AADAT: variants seen among roughly 807,000 people sequenced by gnomAD.
The protein encoded by AADAT is aminoadipate aminotransferase.
Under a neutral mutation model 56.2 loss-of-function variants are expected in AADAT, and 25 were observed. That is an observed-to-expected ratio of 0.44 (90% CI 0.32 to 0.62). The LOEUF is 0.62. Among genes scored for constraint, AADAT ranks in the 20% least tolerant of loss-of-function variants. The pLI is 0.04. For missense variants in AADAT, 387 were observed against 510.5 expected (o/e 0.76, Z 2.33); for synonymous variants, 173 against 164.7 (o/e 1.05, Z -0.39).
chr4:170,063,958 G>GA (rs140253958), intron 11 of AADAT, among the ~76,000 whole-genome samples: 48 of 124,628 alleles, frequency 3.9e-4, no homozygotes, highest in Middle Eastern at 3.9e-3. Flanking sequence ...ATAAAAAGAG[G>GA]AAAAAAAAAA....
At chr4:170,081,630 C>T (rs953487561) in intron 3 of AADAT, among the ~76,000 whole-genome samples, 3 of 152,144 alleles carry the variant, frequency 2.0e-5, no homozygotes, top group Non-Finnish European at 4.4e-5. Context: ...TGGAACTGTA[C>T]AGGTCAGGAA....
Position 170,067,365 on chromosome 4 carries a change from G to A in AADAT, c.924C>T (p.His308=), listed in dbSNP as rs779009351. The change falls in exon 9 of 13, where the codon CAC becomes CAT. Residue 308 remains histidine (H), a synonymous_variant. Coordinates refer to ENST00000337664, the MANE Select transcript of AADAT (RefSeq NM_016228.4). ...FNQLMISQLL[H]EWGEEGFMAH... ...CCATGAAACCTTCTTCTCCCCATTC[G>A]TGTAGAAGCTGTGATATCATGAGCT... 6.2e-6 allele frequency: 10 copies of A among 1,613,052 alleles called. No homozygotes were observed. The highest frequency in any genetic ancestry group is 5.3e-5 in the African/African-American group (4 of 74,850).
Position 170,087,103 on chromosome 4 carries a change from C to T in AADAT, c.369+13G>A, listed in dbSNP as rs1230530048. On this transcript the variant is annotated intron_variant, in intron 3 of 12. Coordinates refer to ENST00000337664, the MANE Select transcript of AADAT (RefSeq NM_016228.4). ...AATTCTACATTTTGGCTGAGTTTTC[C>T]TTTCAGTCTTACCTTACAAAGACCT... 5 of 1,612,892 alleles carry T rather than the reference C, an allele frequency of 3.1e-6. No individual in the cohort carries two copies. The highest frequency in any genetic ancestry group is 4.2e-6 in the Non-Finnish European group (5 of 1,179,802).
chr4:170,084,722 T>A (rs527428149), intron 3 of AADAT, among the ~76,000 whole-genome samples: 24 of 152,346 alleles, frequency 1.6e-4, no homozygotes, highest in Middle Eastern at 3.4e-3. Context: ...ATGTTGAATT[T>A]ACCTTTTCCT....
intron 4 of AADAT, 56 bp from the exon 5 acceptor site, chr4:170,073,401 T>C (rs1409585559): frequency 4.2e-5 from 61 of 1,436,774 alleles, no homozygotes; most frequent in Non-Finnish European, 5.6e-5. Flanking sequence ...TAAGTGCTAT[T>C]GGTTTTTTTT....
intron 2 of AADAT, among the ~76,000 whole-genome samples, chr4:170,087,888 G>A (rs1732638979): frequency 6.6e-6 from 1 of 151,624 alleles, no homozygotes; most frequent in Non-Finnish European, 1.5e-5. Context: ...TGCTTGTTTA[G>A]ACTATAGAAA....
intron 3 of AADAT, among the ~76,000 whole-genome samples, chr4:170,079,281 ATG>A (rs1732181449): frequency 6.6e-6 from 1 of 152,162 alleles, no homozygotes; most frequent in Admixed American, 6.5e-5. Context: ...CAAAATAATT[ATG>A]TGTCTTGAGG....
chr4:170,090,825 A>ACCTCTC (rs1339617754), upstream of AADAT, among the ~76,000 whole-genome samples: 1 of 152,210 alleles, frequency 6.6e-6, no homozygotes, highest in East Asian at 1.9e-4. Flanking sequence ...ACTTTAAAAA[A>ACCTCTC]TTCTTTAATG....
At chr4:170,069,500 C>T (rs1731656763) in intron 6 of AADAT, among the ~76,000 whole-genome samples, 1 of 152,122 alleles carries the variant, frequency 6.6e-6, no homozygotes, top group Non-Finnish European at 1.5e-5. Context: ...CTTAAGGAAA[C>T]TTCAAACAGG....
Position 170,088,484 on chromosome 4 carries a change from T to A in AADAT, c.148A>T (p.Thr50Ser). Reference sequence around the variant, plus strand: ...CCATTTTCTACAGTGATTACGGCAGTCTTAAAAGGAAACATGTTTGGATTT... The same window carrying A: ...CCATTTTCTACAGTGATTACGGCAGACTTAAAAGGAAACATGTTTGGATTT... Reference protein sequence around the residue: ...LPNPNMFPFKTAVITVENGKT... With the variant: ...LPNPNMFPFKSAVITVENGKT... The change falls in exon 2 of 13, where the codon ACT becomes TCT. Residue 50 changes from threonine (T) to serine (S), a missense_variant. Coordinates refer to ENST00000337664, the MANE Select transcript of AADAT (RefSeq NM_016228.4). The A allele has an allele frequency of 6.2e-7, 1 of 1,613,876 alleles. No homozygotes were observed.
chr4:170,093,543 T>C (rs1732930328), upstream of AADAT, among the ~76,000 whole-genome samples: 1 of 152,194 alleles, frequency 6.6e-6, no homozygotes. Flanking sequence ...TGTAAGCACG[T>C]TGATGCACCC....
At position 170,068,138 on chromosome 4, in the gene AADAT, CAA is replaced by C. The variant is rs1217763818; in HGVS notation, c.900+451_900+452del. Among the ~76,000 whole-genome samples the C allele has an allele frequency of 6.2e-3, 453 of 72,920 alleles. 2 individuals are homozygous for C. The highest frequency in any genetic ancestry group is 0.02 in the African/African-American group (411 of 20,990). The allele number at this position is 72,920 out of a possible 152,430, so 47.8% of individuals were successfully genotyped here. ...TGGGTGACAGGGCAAGACTCTGTCTCAAAAAAAAAAAAAAAAAAAAATTAAAA... is the reference window on the plus strand; with the variant it reads ...TGGGTGACAGGGCAAGACTCTGTCTCAAAAAAAAAAAAAAAAAAATTAAAA... On this transcript the variant is annotated intron_variant, in intron 8 of 12. Transcript: ENST00000337664.
chr4:170,072,299 G>A (rs201515880), intron 5 of AADAT, among the ~76,000 whole-genome samples: 5 of 148,598 alleles, frequency 3.4e-5, no homozygotes, highest in Admixed American at 6.8e-5. Context: ...ATGTGTGTGT[G>A]TATATATATA....
chr4:170,091,509 C>T (rs921256269), upstream of AADAT: 3 of 153,990 alleles, frequency 1.9e-5, no homozygotes, highest in Non-Finnish European at 4.3e-5. Context: ...CTGAGCCTCC[C>T]CACCACCCAC....
At chr4:170,069,034 G>T in intron 7 of AADAT, 114 bp downstream of exon 7, 1 of 833,716 alleles carries the variant, frequency 1.2e-6, no homozygotes, top group Non-Finnish European at 1.8e-6. Context: ...GGTATTTTAA[G>T]ACAAGTAGAC....
chr4:170,080,561 G>A (rs111509961), intron 3 of AADAT, among the ~76,000 whole-genome samples: 4 of 152,256 alleles, frequency 2.6e-5, no homozygotes, highest in Admixed American at 6.5e-5. Context: ...GTAACTCAGC[G>A]AAAGGCATGC....
chr4:170,068,333 TGA>T (rs1253303358), intron 8 of AADAT, among the ~76,000 whole-genome samples: 2 of 152,084 alleles, frequency 1.3e-5, no homozygotes, highest in African/African-American at 2.4e-5. Context: ...TCTTGCAACC[TGA>T]GAGGTTGTGT....
upstream of AADAT, among the ~76,000 whole-genome samples, chr4:170,092,201 T>C (rs1173171047): frequency 6.6e-6 from 1 of 152,230 alleles, no homozygotes; most frequent in Non-Finnish European, 1.5e-5. Flanking sequence ...CGTGTGGTGG[T>C]TTTGTTTTCT....
rs191302227 is a variant in AADAT, at chr4:170,073,933, T to C, written c.445-588A>G. Among the ~76,000 whole-genome samples, 972 of 152,276 alleles carry C rather than the reference T, an allele frequency of 6.4e-3. 4 individuals carry two copies. Among genetic ancestry groups the C allele is most frequent in the South Asian group, 0.028 (137 of 4,816 alleles). ...ACAAATTCGGGGCAGAAGTGATGCA[T>C]GTTCCTTCCAGTAAGAAGCTTTAAA... On this transcript the variant is annotated intron_variant, in intron 4 of 12. Coordinates refer to ENST00000337664, the MANE Select transcript of AADAT (RefSeq NM_016228.4).
Sources: allele counts gnomAD v4.1 joint callset (sites outside exome capture counted in the v4.1 genomes callset), GRCh38; gene constraint gnomAD v4.1.1; transcripts MANE v1.5; gene names NCBI Gene and HGNC (gene_info 2026-07-23, HGNC 2026-07-21).